PACRG: variants seen among roughly 807,000 people sequenced by gnomAD.
PACRG encodes the protein parkin coregulated gene protein.
A neutral mutation model predicts 29.7 loss-of-function variants in PACRG; 29 were observed. That is an observed-to-expected ratio of 0.98 (90% CI 0.73 to 1.33). PACRG has a LOEUF of 1.33. Among genes scored for constraint, PACRG ranks in the 40% most tolerant of loss-of-function variants. The pLI, the probability that PACRG is intolerant of heterozygous loss-of-function variation, is 0.00. For synonymous variants in PACRG, 116 were observed against 118.7 expected (o/e 0.98, Z 0.15); for missense variants, 279 against 316.2 (o/e 0.88, Z 0.89).
At chr6:163,139,580 CA>C (rs949865650) in intron 4 of PACRG, among the ~76,000 whole-genome samples, 13 of 148,960 alleles carry the variant, frequency 8.7e-5, no homozygotes, top group Admixed American at 2.0e-4. Context: ...CAATGCTTGG[CA>C]AAAAAAAAGA....
intron 2 of PACRG, among the ~76,000 whole-genome samples, chr6:162,946,421 A>G (rs1355056399): frequency 6.6e-6 from 1 of 152,146 alleles, no homozygotes; most frequent in African/African-American, 2.4e-5. Flanking sequence ...GGACACATAC[A>G]GGCTACAAAA....
At chr6:163,164,074 A>C (rs78355110) in intron 4 of PACRG, among the ~76,000 whole-genome samples, 1 of 152,120 alleles carries the variant, frequency 6.6e-6, no homozygotes, top group African/African-American at 2.4e-5. Context: ...GAAGTTCTAC[A>C]AAGTTCCACA....
chr6:162,968,922 C>T (rs539675808), intron 2 of PACRG, among the ~76,000 whole-genome samples: 1 of 151,934 alleles, frequency 6.6e-6, no homozygotes, highest in South Asian at 2.1e-4. Flanking sequence ...TGGCGGGCGC[C>T]TGTAATCCCA....
At chr6:162,933,889 A>G (rs9347705) in intron 2 of PACRG, among the ~76,000 whole-genome samples, 1 of 152,288 alleles carries the variant, frequency 6.6e-6, no homozygotes, top group East Asian at 1.9e-4. Flanking sequence ...CAGAGATTAC[A>G]TAGTGAGAGG....
chr6:162,872,002 A>G (rs1425521167), intron 2 of PACRG, among the ~76,000 whole-genome samples: 1 of 152,162 alleles, frequency 6.6e-6, no homozygotes, highest in African/African-American at 2.4e-5. Flanking sequence ...TCTTCCAAAC[A>G]CTGTAAGATA....
chr6:163,163,150 T>C (rs1204793939), intron 4 of PACRG, among the ~76,000 whole-genome samples: 1 of 152,244 alleles, frequency 6.6e-6, no homozygotes, highest in Non-Finnish European at 1.5e-5. Context: ...ATCCAGCCTG[T>C]GTACACCACC....
intron 1 of PACRG, among the ~76,000 whole-genome samples, chr6:162,755,683 C>A (rs930291665): frequency 6.6e-6 from 1 of 152,176 alleles, no homozygotes; most frequent in Admixed American, 6.5e-5. Flanking sequence ...ATGGTCCACC[C>A]ACCTTGGCCT....
chr6:162,885,773 T>G (rs1357120039), intron 2 of PACRG, among the ~76,000 whole-genome samples: 1 of 148,696 alleles, frequency 6.7e-6, no homozygotes, highest in African/African-American at 2.5e-5. Flanking sequence ...CACGTGCATG[T>G]GTGTGTGTGT....
At chr6:162,974,854 C>T (rs554073273) in intron 2 of PACRG, among the ~76,000 whole-genome samples, 4 of 152,250 alleles carry the variant, frequency 2.6e-5, no homozygotes, top group East Asian at 1.9e-4. Context: ...GGGGCTTGAA[C>T]CTGGCAATCC....
intron 2 of PACRG, among the ~76,000 whole-genome samples, chr6:163,057,016 G>A (rs1319627580): frequency 1.3e-5 from 2 of 152,074 alleles, no homozygotes; most frequent in East Asian, 3.9e-4. Context: ...CAATGACCTC[G>A]GTTTTCTCAG....
chr6:163,168,231 C>G (rs1261171417), intron 4 of PACRG, among the ~76,000 whole-genome samples: 1 of 152,198 alleles, frequency 6.6e-6, no homozygotes, highest in Non-Finnish European at 1.5e-5. Context: ...AATCCTAGCA[C>G]TTTGGGAGGC....
At chr6:163,089,548 C>A in intron 4 of PACRG, 140 bp downstream of exon 4, 1 of 1,015,222 alleles carries the variant, frequency 9.9e-7, no homozygotes, top group Non-Finnish European at 1.4e-6. Context: ...TAGCATATTC[C>A]CACGCCTTCT....
chr6:162,985,242 G>A (rs1802785324), intron 2 of PACRG, among the ~76,000 whole-genome samples: 1 of 151,832 alleles, frequency 6.6e-6, no homozygotes, highest in Admixed American at 6.6e-5. Context: ...ACCAGGGAAG[G>A]ACATTTAAAA....
At chr6:163,209,060 AC>A (rs1781028473) in intron 4 of PACRG, among the ~76,000 whole-genome samples, 1 of 152,238 alleles carries the variant, frequency 6.6e-6, no homozygotes, top group Admixed American at 6.5e-5. Flanking sequence ...GCTGGCACTC[AC>A]ATTCATTTAC....
intron 4 of PACRG, among the ~76,000 whole-genome samples, chr6:163,129,180 G>T (rs1816633078): frequency 6.6e-6 from 1 of 152,180 alleles, no homozygotes; most frequent in Admixed American, 6.5e-5. Context: ...AATGAGAATG[G>T]GGGGGAAGTT....
chr6:163,214,380 A>G (rs1781279234), intron 4 of PACRG, among the ~76,000 whole-genome samples: 1 of 152,084 alleles, frequency 6.6e-6, no homozygotes, highest in Non-Finnish European at 1.5e-5. Context: ...TTTCCTTCTC[A>G]TAAGAAATCT....
At chr6:162,771,439 C>G (rs944406679) in intron 1 of PACRG, among the ~76,000 whole-genome samples, 5 of 152,028 alleles carry the variant, frequency 3.3e-5, no homozygotes, top group African/African-American at 1.2e-4. Context: ...GCCAATTTTC[C>G]CATGTTGCTG....
chr6:162,801,311 G>C (rs1785843259), intron 1 of PACRG, among the ~76,000 whole-genome samples: 1 of 152,058 alleles, frequency 6.6e-6, no homozygotes, highest in South Asian at 2.1e-4. Flanking sequence ...GTTTCACCAT[G>C]TTGGCCAGGC....
At chr6:163,067,778 C>T (rs1811686679) in intron 3 of PACRG, among the ~76,000 whole-genome samples, 1 of 152,214 alleles carries the variant, frequency 6.6e-6, no homozygotes, top group African/African-American at 2.4e-5. Context: ...CCTCCACAAA[C>T]ATACCTTCTT....
Sources: gnomAD v4.1 joint callset for allele counts (sites outside exome capture counted in the v4.1 genomes callset) on GRCh38, gnomAD v4.1.1 for gene constraint, MANE v1.5 for transcripts, NCBI Gene and HGNC (gene_info 2026-07-23, HGNC 2026-07-21) for gene names.